Variants in CNTN3 observed in about 807,000 individuals in gnomAD.
The protein encoded by CNTN3 is contactin 3, also known as contactin-3.
CNTN3 carries 60 observed loss-of-function variants against 119.1 expected under a neutral mutation model. That is an observed-to-expected ratio of 0.50 (90% CI 0.41 to 0.62). The LOEUF is 0.62. Ranked by LOEUF, CNTN3 falls within the 20% of genes least tolerant of loss-of-function variation. The pLI is 0.00. For missense variants in CNTN3, 1,101 were observed against 1,242.4 expected, an observed-to-expected ratio of 0.89 and a Z score of 1.71; for synonymous variants, 450 against 438.7, an observed-to-expected ratio of 1.03 and a Z score of -0.32.
chr3:74,588,840 A>T (rs547097077), intron 1 of CNTN3, among the ~76,000 whole-genome samples: 1 of 152,318 alleles, frequency 6.6e-6, no homozygotes, highest in East Asian at 1.9e-4. Context: ...AATCTGAGAA[A>T]AACAAGCAAT....
intron 1 of CNTN3, among the ~76,000 whole-genome samples, chr3:74,536,066 T>C (rs1703760721): frequency 6.6e-6 from 1 of 152,080 alleles, no homozygotes; most frequent in African/African-American, 2.4e-5. Context: ...AGTGGGACAC[T>C]GAGAGACAGG....
At chr3:74,268,264 C>T (rs1366738643) in intron 20 of CNTN3, among the ~76,000 whole-genome samples, 1 of 152,118 alleles carries the variant, frequency 6.6e-6, no homozygotes, top group Non-Finnish European at 1.5e-5. Context: ...AGATAGGGCA[C>T]TGGAAAAATC....
intron 1 of CNTN3, among the ~76,000 whole-genome samples, chr3:74,588,113 T>C (rs1272986625): frequency 6.6e-6 from 1 of 152,146 alleles, no homozygotes; most frequent in East Asian, 1.9e-4. Flanking sequence ...TTTGTGTATA[T>C]TGCATCCCAA....
intron 22 of CNTN3, among the ~76,000 whole-genome samples, chr3:74,266,029 A>C (rs1701654811): frequency 6.6e-6 from 1 of 152,134 alleles, no homozygotes; most frequent in Non-Finnish European, 1.5e-5. Flanking sequence ...AGAATTTTTA[A>C]GGAGTCTTTT....
intron 8 of CNTN3, 74 bp downstream of exon 8, chr3:74,369,115 C>T: frequency 1.7e-6 from 2 of 1,172,840 alleles, no homozygotes; most frequent in Non-Finnish European, 2.3e-6. Context: ...ATCTCTCACC[C>T]CTAAATAACA....
intron 13 of CNTN3, among the ~76,000 whole-genome samples, chr3:74,312,267 C>A (rs937864516): frequency 2.0e-5 from 3 of 151,778 alleles, no homozygotes; most frequent in African/African-American, 7.3e-5. Flanking sequence ...TCCTGGCAAA[C>A]ATGGTGAAAC....
chr3:74,403,773 T>G (rs1705254908), intron 5 of CNTN3, among the ~76,000 whole-genome samples: 1 of 152,154 alleles, frequency 6.6e-6, no homozygotes, highest in South Asian at 2.1e-4. Flanking sequence ...CTCCTTATTC[T>G]TATTTGTGTG....
At chr3:74,512,518 C>A (rs1190630543) in intron 2 of CNTN3, among the ~76,000 whole-genome samples, 5 of 151,826 alleles carry the variant, frequency 3.3e-5, no homozygotes, top group Non-Finnish European at 1.5e-5. Context: ...AATAATTACT[C>A]ACCAAAGCAA....
At chr3:74,398,623 T>G (rs1430939114) in intron 5 of CNTN3, among the ~76,000 whole-genome samples, 1 of 152,188 alleles carries the variant, frequency 6.6e-6, no homozygotes, top group Non-Finnish European at 1.5e-5. Context: ...TTTCCCCATG[T>G]TTTTTGTCTA....
chr3:74,466,659 A>G (rs75441361), intron 4 of CNTN3, among the ~76,000 whole-genome samples: 1 of 152,288 alleles, frequency 6.6e-6, no homozygotes, highest in African/African-American at 2.4e-5. Context: ...TGTCTACTGG[A>G]CAACCTGGAG....
chr3:74,377,581 C>G (rs188304931), intron 5 of CNTN3, among the ~76,000 whole-genome samples: 122 of 152,308 alleles, frequency 8.0e-4, no homozygotes, highest in African/African-American at 2.7e-3. Context: ...CTTTACAAAA[C>G]CTTTCACAAC....
intron 13 of CNTN3, among the ~76,000 whole-genome samples, chr3:74,329,536 C>T (rs1395524107): frequency 3.3e-5 from 5 of 152,138 alleles, no homozygotes; most frequent in African/African-American, 9.7e-5. Context: ...TGTAGGGAGC[C>T]TCTGGCATAT....
intron 2 of CNTN3, among the ~76,000 whole-genome samples, chr3:74,503,227 T>C (rs1703196280): frequency 1.3e-5 from 2 of 152,100 alleles, no homozygotes; most frequent in Admixed American, 1.3e-4. Context: ...CACACTGTTC[T>C]CAATATGGTC....
chr3:74,551,522 G>A (rs952751075), intron 1 of CNTN3, among the ~76,000 whole-genome samples: 4 of 151,700 alleles, frequency 2.6e-5, no homozygotes, highest in African/African-American at 7.3e-5. Context: ...GTTCACTCTC[G>A]GTGTCCTACA....
intron 5 of CNTN3, among the ~76,000 whole-genome samples, chr3:74,416,989 A>G (rs13090165): frequency 0.59 from 87,442 of 147,382 alleles, 28,232 homozygotes; most frequent in East Asian, 0.79. Context: ...TTCTAAAATA[A>G]AAAAAAAAAA....
intron 1 of CNTN3, among the ~76,000 whole-genome samples, chr3:74,553,042 C>T (rs1216635075): frequency 6.6e-6 from 1 of 152,084 alleles, no homozygotes; most frequent in Non-Finnish European, 1.5e-5. Context: ...ACTCATCAAC[C>T]CGTCACCTAC....
At chr3:74,433,421 A>C (rs886105026) in intron 4 of CNTN3, among the ~76,000 whole-genome samples, 1 of 152,150 alleles carries the variant, frequency 6.6e-6, no homozygotes, top group Non-Finnish European at 1.5e-5. Context: ...ACAGGTGTGC[A>C]TTGTAAGTCT....
chr3:74,296,147 G>A (rs1234351758), intron 18 of CNTN3, among the ~76,000 whole-genome samples: 2 of 152,146 alleles, frequency 1.3e-5, no homozygotes, highest in Non-Finnish European at 2.9e-5. Context: ...CACCCTAGTA[G>A]ATTTCACAGA....
At chr3:74,527,108 A>G (rs1703631767) in intron 1 of CNTN3, among the ~76,000 whole-genome samples, 1 of 151,930 alleles carries the variant, frequency 6.6e-6, no homozygotes, top group Non-Finnish European at 1.5e-5. Flanking sequence ...TCATGTATGT[A>G]TATTCAAATA....
Sources: gnomAD v4.1 joint callset for allele counts (sites outside exome capture counted in the v4.1 genomes callset) on GRCh38, gnomAD v4.1.1 for gene constraint, MANE v1.5 for transcripts, NCBI Gene and HGNC (gene_info 2026-07-23, HGNC 2026-07-21) for gene names.